The following SUSD6 variants were observed in gnomAD, a reference collection of about 807,000 sequenced individuals.
SUSD6 encodes sushi domain-containing protein 6.
In SUSD6, 16 loss-of-function variants were observed where a neutral mutation model predicts 28.4. The ratio of observed to expected loss-of-function variants is 0.56; its 90% CI spans 0.38 to 0.86. The LOEUF (loss-of-function observed/expected upper bound fraction) is 0.86, where lower values mean the gene tolerates loss of function less well. Ranked by LOEUF, SUSD6 falls within the 40% of genes least tolerant of loss-of-function variation. The pLI is 0.00. For synonymous variants in SUSD6, 147 were observed against 159.6 expected, an observed-to-expected ratio of 0.92 and a Z score of 0.59; for missense variants, 341 against 384.2, an observed-to-expected ratio of 0.89 and a Z score of 0.94.
intron 2 of SUSD6, among the ~76,000 whole-genome samples, chr14:69,660,036 T>C (rs1362357919): frequency 1.3e-5 from 2 of 152,212 alleles, no homozygotes; most frequent in Non-Finnish European, 2.9e-5. Flanking sequence ...TACTGGACTT[T>C]GTTAGAAACA....
At chr14:69,625,082 T>C (rs886380894) in intron 1 of SUSD6, among the ~76,000 whole-genome samples, 3 of 152,316 alleles carry the variant, frequency 2.0e-5, no homozygotes, top group South Asian at 4.1e-4. Context: ...TTTGGGGAAG[T>C]ATTAATTAGT....
At chr14:69,691,947 G>A (rs1886159053) in intron 2 of SUSD6, among the ~76,000 whole-genome samples, 1 of 151,474 alleles carries the variant, frequency 6.6e-6, no homozygotes, top group Non-Finnish European at 1.5e-5. Context: ...GCTGAGGCAG[G>A]AGAATTGCTT....
chr14:69,678,649 A>G (rs907377540), intron 2 of SUSD6, among the ~76,000 whole-genome samples: 6 of 152,056 alleles, frequency 3.9e-5, no homozygotes, highest in Non-Finnish European at 8.8e-5. Context: ...CAAAAAATAC[A>G]AAAATTAGCC....
At chr14:69,679,494 A>G (rs1013835622) in intron 2 of SUSD6, among the ~76,000 whole-genome samples, 23 of 152,164 alleles carry the variant, frequency 1.5e-4, no homozygotes, top group Non-Finnish European at 2.9e-5. Flanking sequence ...GTGTAAAGCA[A>G]GCTTGTTCAA....
chr14:69,649,776 A>G (rs542060596), intron 1 of SUSD6, among the ~76,000 whole-genome samples: 46 of 152,302 alleles, frequency 3.0e-4, no homozygotes, highest in African/African-American at 1.0e-3. Flanking sequence ...AGAGCCTTCC[A>G]TGCCTTTGGG....
intron 1 of SUSD6, among the ~76,000 whole-genome samples, chr14:69,633,577 CT>C (rs925662442): frequency 4.6e-5 from 7 of 152,166 alleles, no homozygotes; most frequent in Non-Finnish European, 8.8e-5. Context: ...AGATTAATTT[CT>C]TTTTTTCCTA....
chr14:69,689,951 A>C (rs1999722), intron 2 of SUSD6, among the ~76,000 whole-genome samples: 139,026 of 152,328 alleles, frequency 0.91, 63,644 homozygotes, highest in African/African-American at 0.98. Context: ...CAGGCCTAAG[A>C]CACCATGCCC....
intron 1 of SUSD6, among the ~76,000 whole-genome samples, chr14:69,652,693 C>A (rs2139610249): frequency 6.6e-6 from 1 of 152,248 alleles, no homozygotes; most frequent in African/African-American, 2.4e-5. Context: ...TGGCTGTTTC[C>A]TGGCTGGCCC....
chr14:69,655,150 T>G (rs1316289036), intron 1 of SUSD6, among the ~76,000 whole-genome samples: 1 of 152,146 alleles, frequency 6.6e-6, no homozygotes, highest in Non-Finnish European at 1.5e-5. Flanking sequence ...TAGGGGTGTG[T>G]GTGTGTGTCT....
intron 2 of SUSD6, among the ~76,000 whole-genome samples, chr14:69,664,127 C>T (rs181854641): frequency 4.7e-4 from 71 of 152,156 alleles, no homozygotes; most frequent in African/African-American, 1.3e-3. Flanking sequence ...CACAGGCGCC[C>T]GCCACCACGC....
intron 2 of SUSD6, among the ~76,000 whole-genome samples, chr14:69,673,109 G>A (rs1302743037): frequency 6.6e-6 from 1 of 152,188 alleles, no homozygotes; most frequent in Non-Finnish European, 1.5e-5. Flanking sequence ...TGGGCTCCCA[G>A]GTTTGAAACT....
chr14:69,653,314 C>G (rs1289933294), intron 1 of SUSD6, among the ~76,000 whole-genome samples: 1 of 152,216 alleles, frequency 6.6e-6, no homozygotes, highest in African/African-American at 2.4e-5. Flanking sequence ...GAAATAAAAT[C>G]AGAACGGTGA....
chr14:69,655,812 C>A (rs889918627), intron 1 of SUSD6, among the ~76,000 whole-genome samples: 1 of 151,936 alleles, frequency 6.6e-6, no homozygotes, highest in African/African-American at 2.4e-5. Context: ...AACCAAAAAA[C>A]GCCAAAAAAC....
rs1886422020 is a variant in SUSD6 at position 69,708,878 on chromosome 14, A to G, written c.660A>G (p.Gln220=). Reference sequence around the variant, plus strand: ...CAAGGGAGCAACAGCTGCCGGACCAAGGGGCCTGCTCCTCTGCAGGTGGAG... The same window carrying G: ...CAAGGGAGCAACAGCTGCCGGACCAGGGGGCCTGCTCCTCTGCAGGTGGAG... ...SVPREQQLPD[Q]GACSSAGGED... is the part of the protein sequence containing the mutation. The change falls in exon 5 of 6, where the codon CAA becomes CAG. Residue 220 remains glutamine (Q), a synonymous_variant. Coordinates refer to ENST00000342745, the MANE Select transcript of SUSD6 (RefSeq NM_014734.4). The G allele has an allele frequency of 3.1e-6, 5 of 1,614,138 alleles. No homozygotes were observed. The highest frequency in any genetic ancestry group is 1.6e-4 in the Middle Eastern group (1 of 6,062).
At chr14:69,624,220 A>G (rs563716156) in intron 1 of SUSD6, among the ~76,000 whole-genome samples, 1 of 152,358 alleles carries the variant, frequency 6.6e-6, no homozygotes, top group Admixed American at 6.5e-5. Context: ...ATTCAGTAAC[A>G]TATCTGCTGT....
chr14:69,658,696 G>A lies in SUSD6; in HGVS notation c.104G>A (p.Gly35Glu), dbSNP rs1237370405. The A allele has an allele frequency of 2.2e-5, 35 of 1,613,892 alleles. No homozygotes were observed. The highest frequency in any genetic ancestry group is 2.9e-5 in the Non-Finnish European group (34 of 1,179,932). ...CTAGTGATCCTTTGCACCCTGCTTG[G>A]AGACGGACTTGCTTCCGGTAAGTCC... ...LPLVILCTLL[G>E]DGLASVCPLP... Residue 35 changes from glycine (G) to glutamate (E), a missense_variant, in exon 2 of 6, where the codon GGA becomes GAA. By Grantham distance (98) the Gly-to-Glu change is moderately conservative. Transcript: ENST00000342745.
Position 69,614,749 on chromosome 14 carries a change from C to T in SUSD6, c.-81+2921C>T, listed in dbSNP as rs184829073. Among the ~76,000 whole-genome samples the T allele has an allele frequency of 4.6e-5, 7 of 152,242 alleles. No homozygotes were observed. In the East Asian group the frequency reaches 1.4e-3, roughly 29 times the overall value. ...TACATACTCTTCCTCATTTCAGTAC[C>T]AAACAAGTGAACTGTGGAGAATGAA... On this transcript the variant is annotated intron_variant, in intron 1 of 5. Transcript: ENST00000342745.
Position 69,702,328 on chromosome 14 carries a change from T to C in SUSD6, c.122-1067T>C, listed in dbSNP as rs184460425. Reference sequence around the variant, plus strand: ...TGTAGTGCCCCCACTTTTACTGTTTTGGCTGGTAATACCCGGCAGTCCACC... The same window carrying C: ...TGTAGTGCCCCCACTTTTACTGTTTCGGCTGGTAATACCCGGCAGTCCACC... On this transcript the variant is annotated intron_variant, in intron 2 of 5. Transcript: ENST00000342745. Among the ~76,000 whole-genome samples the C allele has an allele frequency of 7.5e-4, 115 of 152,320 alleles. No individual in the cohort carries two copies. The East Asian group carries it at 0.014, about 19-fold the overall frequency.
At chr14:69,675,999 C>G (rs1342296375) in intron 2 of SUSD6, among the ~76,000 whole-genome samples, 1 of 152,132 alleles carries the variant, frequency 6.6e-6, no homozygotes, top group Non-Finnish European at 1.5e-5. Flanking sequence ...TGACTTCAAC[C>G]ACTTAAGTGT....
Sources: allele counts gnomAD v4.1 joint callset (sites outside exome capture counted in the v4.1 genomes callset), GRCh38; gene constraint gnomAD v4.1.1; transcripts MANE v1.5; gene names NCBI Gene and HGNC (gene_info 2026-07-23, HGNC 2026-07-21).